Variants in SIGLEC12 observed in about 807,000 individuals in gnomAD.
The protein encoded by SIGLEC12 is sialic acid-binding Ig-like lectin 12.
In SIGLEC12, 43 loss-of-function variants were observed where a neutral mutation model predicts 54.1. The observed-to-expected ratio is 0.80, with a 90% CI of 0.62 to 1.03. The LOEUF is 1.03. SIGLEC12 is among the 50% of genes least tolerant of loss of function. SIGLEC12 has a pLI of 0.00. For synonymous variants in SIGLEC12, 357 were observed against 307.6 expected (o/e 1.16, Z -1.68); for missense variants, 802 against 735.2 (o/e 1.09, Z -1.05).
Position 51,498,019 on chromosome 19 carries a change from T to C in SIGLEC12, c.1404A>G (p.Thr468=), listed in dbSNP as rs747171319. The change falls in exon 5 of 8, where the codon ACA becomes ACG. Residue 468 remains threonine (T), a splice_region_variant and synonymous_variant. Coordinates refer to ENST00000291707, the MANE Select transcript of SIGLEC12 (RefSeq NM_053003.4). ...TCCTCCAGACCCTCCCCTACCCACC[T>C]GTGTACTCGTTTTGCAGGGAGAGGC... is the stretch of plus-strand genomic sequence containing the variant. The part of the protein sequence containing the change: ...SLSLSLQNEY[T]GKMRPISGVT... 6.2e-7 allele frequency: 1 copy of C among 1,614,194 alleles called. No individual in the cohort carries two copies. The highest frequency in any genetic ancestry group is 8.5e-7 in the Non-Finnish European group (1 of 1,180,020).
rs1990354816 is a variant in SIGLEC12 at position 51,500,126 on chromosome 19, A to C, written c.602T>G (p.Ile201Ser). 1.9e-6 allele frequency: 3 copies of C among 1,614,108 alleles called. No individual in the cohort carries two copies. Among genetic ancestry groups the C allele is most frequent in the Non-Finnish European group, 2.5e-6 (3 of 1,180,002 alleles). ...FKEGADIPWD[I>S]PVATNTPSGK... ...ACTTGGGGTGTTTGTGGCCACTGGAATATCCCATGGTATATCGGCCCCTTC... is the reference window on the plus strand; with the variant it reads ...ACTTGGGGTGTTTGTGGCCACTGGACTATCCCATGGTATATCGGCCCCTTC... Residue 201 changes from isoleucine to serine, a missense_variant, in exon 2 of 8, where the codon ATT becomes AGT. Ile to Ser is a moderately radical substitution (Grantham distance 142, BLOSUM62 -2). Transcript: ENST00000291707.
At chr19:51,496,738 C>T (rs1273569835) in intron 7 of SIGLEC12, 142 bp downstream of exon 7, 3 of 840,872 alleles carry the variant, frequency 3.6e-6, no homozygotes, top group Admixed American at 2.2e-5. Context: ...GCAATGAAAG[C>T]TGTTCTTAGG....
intron 7 of SIGLEC12, among the ~76,000 whole-genome samples, chr19:51,495,191 G>A (rs1186037637): frequency 1.3e-5 from 2 of 149,098 alleles, no homozygotes; most frequent in Non-Finnish European, 3.0e-5. Context: ...ATGGATGGAT[G>A]GATGGATGGA....
In SIGLEC12 at chr19:51,498,068, A is replaced by C. The variant is rs1229787140; in HGVS notation, c.1355T>G (p.Leu452Arg). 8 of 1,614,218 alleles carry C rather than the reference A, an allele frequency of 5.0e-6. No individual in the cohort carries two copies. In the East Asian group the frequency reaches 1.6e-4, roughly 31 times the overall value. ...GCTCAGGGAAATGTGCTGGGAGCCT[A>C]GAGGGTTCTGAGCTCGGCAGGTGAA... ...GEFTCRAQNP[L>R]GSQHISLSLS... The change falls in exon 5 of 8, where the codon CTA (leucine) becomes CGA (arginine). Residue 452 changes from leucine (L) to arginine (R), a missense_variant. Coordinates refer to ENST00000291707, the MANE Select transcript of SIGLEC12 (RefSeq NM_053003.4).
Position 51,496,788 on chromosome 19 carries a change from G to A in SIGLEC12, c.1599+92C>T, listed in dbSNP as rs186647212. ...AGGACGTGATTTTTCGGCTGTAGGG[G>A]AAGAAAGGAAGGACAGTGAGGAAGT... is the stretch of plus-strand genomic sequence containing the variant. On this transcript the variant is annotated intron_variant, in intron 7 of 7. Transcript: ENST00000291707. The A allele has an allele frequency of 4.7e-3, 6,856 of 1,449,820 alleles. 29 individuals carry two copies. Among genetic ancestry groups the A allele is most frequent in the Middle Eastern group, 7.3e-3 (42 of 5,724 alleles). The allele number at this position is 1,449,820 out of a possible 1,614,324, so 89.8% of individuals were successfully genotyped here. A position where few individuals can be genotyped will look rare whatever the true frequency, so the allele number is the denominator to read the frequency against.
intron 7 of SIGLEC12, among the ~76,000 whole-genome samples, chr19:51,493,318 C>T (rs1990154731): frequency 6.6e-6 from 1 of 152,196 alleles, no homozygotes; most frequent in Non-Finnish European, 1.5e-5. Context: ...AGATGCTCCA[C>T]ATCTCCCTGA....
chr19:51,501,709 G>T lies in SIGLEC12; in HGVS notation c.25C>A (p.Pro9Thr). The T allele has an allele frequency of 6.2e-7, 1 of 1,609,552 alleles. No individual in the cohort carries two copies. Among genetic ancestry groups the T allele is most frequent in the Non-Finnish European group, 8.5e-7 (1 of 1,176,816 alleles). The change falls in exon 1 of 8, where the codon CCA (proline) becomes ACA (threonine). Residue 9 changes from proline to threonine, a missense_variant. Coordinates refer to ENST00000291707, the MANE Select transcript of SIGLEC12 (RefSeq NM_053003.4). Reference sequence around the variant, plus strand: ...CCCACTCTCCCACAGAGCAGGGGTGGCAGCAGTAGCAGCAGCAGTAGCATG... The same window carrying T: ...CCCACTCTCCCACAGAGCAGGGGTGTCAGCAGTAGCAGCAGCAGTAGCATG... MLLLLLLL[P>T]PLLCGRVGAK...
At chr19:51,492,598 C>T (rs535464661) in intron 7 of SIGLEC12, among the ~76,000 whole-genome samples, 1 of 152,264 alleles carries the variant, frequency 6.6e-6, no homozygotes, top group South Asian at 2.1e-4. Context: ...GGAAATTATC[C>T]TGGATTACTT....
chr19:51,492,663 A>G (rs1208524256), intron 7 of SIGLEC12, among the ~76,000 whole-genome samples: 2 of 152,186 alleles, frequency 1.3e-5, no homozygotes, highest in African/African-American at 4.8e-5. Flanking sequence ...GGAGGAGGGC[A>G]TAGATAGATT....
At chr19:51,497,894 G>T in intron 5 of SIGLEC12, 124 bp downstream of exon 5, 2 of 1,360,384 alleles carry the variant, frequency 1.5e-6, no homozygotes, top group Non-Finnish European at 2.0e-6. Context: ...TCCCCACCCC[G>T]CACTCACTGC....
Position 51,498,146 on chromosome 19 carries a change from G to A in SIGLEC12, c.1277C>T (p.Ser426Leu), listed in dbSNP as rs767221302. Residue 426 changes from serine to leucine, a missense_variant, in exon 5 of 8, where the codon TCG becomes TTG. Coordinates refer to ENST00000291707, the MANE Select transcript of SIGLEC12 (RefSeq NM_053003.4). ...AGGCAGCTCCAGCACCCCAAGGTTC[G>A]AGGACTGTGAGGGGCTCAGGGTCAG... ...GSLTLSPSQS[S>L]NLGVLELPRV... is the part of the protein sequence containing the mutation. The A allele has an allele frequency of 4.0e-5, 64 of 1,614,106 alleles. 1 individual carries two copies. In the South Asian group the frequency reaches 4.7e-4, roughly 12 times the overall value.
chr19:51,500,111 T>C lies in SIGLEC12; in HGVS notation c.617A>G (p.Asn206Ser). The change falls in exon 2 of 8, where the codon AAC (asparagine) becomes AGC (serine). Residue 206 changes from asparagine (N) to serine (S), a missense_variant. By Grantham distance (46) the Asn-to-Ser change is conservative. Coordinates refer to ENST00000291707, the MANE Select transcript of SIGLEC12 (RefSeq NM_053003.4). ...CTCTTGCACTTTTCCACTTGGGGTG[T>C]TTGTGGCCACTGGAATATCCCATGG... Reference protein sequence around the residue: ...DIPWDIPVATNTPSGKVQEDT... With the variant: ...DIPWDIPVATSTPSGKVQEDT... The C allele has an allele frequency of 6.2e-7, 1 of 1,614,142 alleles. No homozygotes were observed.
chr19:51,494,135 C>T (rs1990171071), intron 7 of SIGLEC12, among the ~76,000 whole-genome samples: 1 of 152,156 alleles, frequency 6.6e-6, no homozygotes, highest in Non-Finnish European at 1.5e-5. Flanking sequence ...TCTGAGCCTC[C>T]TTCATTCCTG....
intron 7 of SIGLEC12, among the ~76,000 whole-genome samples, chr19:51,496,237 A>T (rs901792629): frequency 6.6e-6 from 1 of 152,258 alleles, no homozygotes. Flanking sequence ...TGGGAAGCTG[A>T]GGCAGGCGAT....
chr19:51,491,706 G>A lies in SIGLEC12; in HGVS notation c.1723C>T (p.Pro575Ser). Residue 575 changes from proline to serine, a missense_variant, in exon 8 of 8, where the codon CCT (proline) becomes TCT (serine). Transcript: ENST00000291707. Reference protein sequence around the residue: ...YASLSFHKARPQYPQEQEAIG... With the variant: ...YASLSFHKARSQYPQEQEAIG... ...GCCTCCTGTTCCTGTGGGTACTGAGGCCTCGCTTTGTGGAAGCTGAGGGAT... is the reference window on the plus strand; with the variant it reads ...GCCTCCTGTTCCTGTGGGTACTGAGACCTCGCTTTGTGGAAGCTGAGGGAT... 6.2e-7 allele frequency: 1 copy of A among 1,613,974 alleles called. No homozygotes were observed. Among genetic ancestry groups the A allele is most frequent in the Non-Finnish European group, 8.5e-7 (1 of 1,179,984 alleles).
chr19:51,495,047 G>C (rs2060075305), intron 7 of SIGLEC12, among the ~76,000 whole-genome samples: 1 of 152,146 alleles, frequency 6.6e-6, no homozygotes, highest in Non-Finnish European at 1.5e-5. Flanking sequence ...AAGGGTTCTA[G>C]AGATCTAGCA....
Position 51,498,290 on chromosome 19 carries a change from G to A in SIGLEC12, c.1136-3C>T. ...GCCATTCCTCAAGGTTGTGGATGCT[G>A]TAGAGAAAGAGACAGAAGGGCAGAG... On this transcript the variant is annotated splice_polypyrimidine_tract_variant and splice_region_variant and intron_variant, in intron 4 of 7. Transcript: ENST00000291707. 6.3e-7 allele frequency: 1 copy of A among 1,597,118 alleles called. No individual in the cohort carries two copies.
At chr19:51,493,325 C>A (rs570451881) in intron 7 of SIGLEC12, among the ~76,000 whole-genome samples, 4 of 152,188 alleles carry the variant, frequency 2.6e-5, no homozygotes, top group Admixed American at 1.3e-4. Context: ...CCACATCTCC[C>A]TGACCCTAAA....
intron 1 of SIGLEC12, among the ~76,000 whole-genome samples, chr19:51,500,716 G>A (rs896239372): frequency 6.6e-6 from 1 of 151,810 alleles, no homozygotes; most frequent in African/African-American, 2.4e-5. Flanking sequence ...TGTCTTTTGA[G>A]CATCTAAATG....
Sources: gnomAD v4.1 joint callset for allele counts (sites outside exome capture counted in the v4.1 genomes callset) on GRCh38, gnomAD v4.1.1 for gene constraint, MANE v1.5 for transcripts, NCBI Gene and HGNC (gene_info 2026-07-23, HGNC 2026-07-21) for gene names.